Variants in TIAM1 observed in about 807,000 individuals in gnomAD.
TIAM1 encodes the protein rho guanine nucleotide exchange factor TIAM1.
In TIAM1, 65 loss-of-function variants were observed where a neutral mutation model predicts 163.5. The observed-to-expected ratio is 0.40, with a 90% CI of 0.33 to 0.49. The LOEUF is 0.49. Ranked by LOEUF, TIAM1 falls within the 20% of genes least tolerant of loss-of-function variation. The pLI, the probability that TIAM1 is intolerant of heterozygous loss-of-function variation, is 0.77. For synonymous variants in TIAM1, 833 were observed against 810.1 expected (o/e 1.03, Z -0.48); for missense variants, 1,789 against 2,044.7 (o/e 0.87, Z 2.41).
intron 27 of TIAM1, among the ~76,000 whole-genome samples, chr21:31,121,706 G>A (rs2082007327): frequency 2.6e-5 from 4 of 152,188 alleles, no homozygotes; most frequent in Admixed American, 1.3e-4. Flanking sequence ...TCAACAAAGT[G>A]CTGTATAAAG....
chr21:31,518,900 G>A (rs974645716), intron 1 of TIAM1, among the ~76,000 whole-genome samples: 3 of 152,194 alleles, frequency 2.0e-5, no homozygotes, highest in African/African-American at 7.2e-5. Flanking sequence ...AGAAAATGTA[G>A]TCTGGATTTC....
chr21:31,510,907 T>C (rs2047192550), intron 1 of TIAM1, among the ~76,000 whole-genome samples: 1 of 152,018 alleles, frequency 6.6e-6, no homozygotes, highest in African/African-American at 2.4e-5. Context: ...AGTAGGGTGG[T>C]CCCTGAGTTC....
At chr21:31,557,339 T>C (rs2048914902) in intron 1 of TIAM1, among the ~76,000 whole-genome samples, 1 of 152,176 alleles carries the variant, frequency 6.6e-6, no homozygotes, top group Non-Finnish European at 1.5e-5. Flanking sequence ...CCATCCTCTA[T>C]TACAGATTTC....
At chr21:31,146,314 G>A (rs1236309793) in intron 20 of TIAM1, among the ~76,000 whole-genome samples, 2 of 146,388 alleles carry the variant, frequency 1.4e-5, no homozygotes, top group African/African-American at 5.1e-5. Flanking sequence ...GGGGCCTGTA[G>A]TCCCAGCTAC....
Position 31,146,958 on chromosome 21 carries a change from G to A in TIAM1, c.3412C>T (p.Arg1138Cys). ...LGGSFLYYAD[R>C]FKLYSAFCAS... ...CAGAAGGCACTGTAGAGCTTGAAGC[G>A]GTCAGCATAATACAGGAATGATCCC... The change falls in exon 20 of 28, where the codon CGC (arginine) becomes TGC (cysteine). Residue 1138 changes from arginine (R) to cysteine (C), a missense_variant. Around this residue, in one of 5 missense-constraint regions of TIAM1, gnomAD observed 303 missense variants for 321.3 expected, o/e 0.94. Transcript: ENST00000541036. The A allele has an allele frequency of 2.5e-6, 4 of 1,614,060 alleles. No individual in the cohort carries two copies. Among genetic ancestry groups the A allele is most frequent in the Non-Finnish European group, 3.4e-6 (4 of 1,180,000 alleles).
At chr21:31,471,270 G>C (rs192916334) in intron 1 of TIAM1, among the ~76,000 whole-genome samples, 2 of 152,320 alleles carry the variant, frequency 1.3e-5, no homozygotes, top group East Asian at 3.9e-4. Context: ...CCGGAGCCCA[G>C]ATCCGCCCCT....
At chr21:31,295,203 G>A (rs1369360042) in intron 2 of TIAM1, among the ~76,000 whole-genome samples, 4 of 152,180 alleles carry the variant, frequency 2.6e-5, no homozygotes, top group Non-Finnish European at 4.4e-5. Context: ...AGGTGCGGTG[G>A]CTTACGCCTG....
intron 13 of TIAM1, among the ~76,000 whole-genome samples, chr21:31,194,021 G>T (rs953477562): frequency 6.6e-6 from 1 of 152,170 alleles, no homozygotes; most frequent in African/African-American, 2.4e-5. Flanking sequence ...ATGTAAATCA[G>T]ACACCGCCTC....
intron 2 of TIAM1, among the ~76,000 whole-genome samples, chr21:31,328,403 C>T (rs2075565287): frequency 6.6e-6 from 1 of 152,124 alleles, no homozygotes; most frequent in Admixed American, 6.5e-5. Context: ...CAAGGTGTCA[C>T]TCTGTCGCCC....
At chr21:31,542,753 G>C (rs540534548) in intron 1 of TIAM1, among the ~76,000 whole-genome samples, 270 of 152,256 alleles carry the variant, frequency 1.8e-3, no homozygotes, top group South Asian at 4.8e-3. Flanking sequence ...GATCACTTGA[G>C]GTCAGGGGTT....
At chr21:31,280,165 T>C (rs940381671) in intron 2 of TIAM1, among the ~76,000 whole-genome samples, 9 of 152,208 alleles carry the variant, frequency 5.9e-5, no homozygotes, top group African/African-American at 2.2e-4. Context: ...GAGGCATCCT[T>C]GATATGGTTT....
In TIAM1 at chr21:31,118,469, A is replaced by G. The variant is rs1028737845; in HGVS notation, c.*1899T>C. On this transcript the variant is annotated 3_prime_UTR_variant, in exon 28 of 28. Coordinates refer to ENST00000541036, the MANE Select transcript of TIAM1 (RefSeq NM_001353694.2). The stretch of plus-strand genomic sequence containing the variant: ...CAAGCATTTACAACGTTCCATTCAT[A>G]GACCTAAAAACATAAAAATAGACCT... The G allele has an allele frequency of 2.4e-6, 1 of 416,322 alleles. No homozygotes were observed. 25.8% of individuals were successfully genotyped at this position (416,322 alleles called of 1,614,324 possible).
chr21:31,290,564 T>C (rs2073980544), intron 2 of TIAM1, among the ~76,000 whole-genome samples: 1 of 147,836 alleles, frequency 6.8e-6, no homozygotes, highest in East Asian at 2.0e-4. Context: ...GGAGAATCGC[T>C]TGAACCCAGA....
chr21:31,520,112 C>T (rs1228977018), intron 1 of TIAM1, among the ~76,000 whole-genome samples: 4 of 152,180 alleles, frequency 2.6e-5, no homozygotes, highest in South Asian at 2.1e-4. Context: ...ACGCGGAGCA[C>T]CTGAGGTCGG....
intron 2 of TIAM1, among the ~76,000 whole-genome samples, chr21:31,289,073 G>A (rs2073918228): frequency 1.3e-5 from 2 of 152,186 alleles, no homozygotes; most frequent in African/African-American, 4.8e-5. Flanking sequence ...GCATAAATAA[G>A]CATGCCCAAG....
intron 1 of TIAM1, among the ~76,000 whole-genome samples, chr21:31,536,035 T>C (rs1157160897): frequency 3.9e-5 from 6 of 152,130 alleles, no homozygotes; most frequent in Admixed American, 6.5e-5. Flanking sequence ...GGTGCCTGTG[T>C]TGGGCCTTTA....
At chr21:31,529,218 C>T (rs1057176982) in intron 1 of TIAM1, among the ~76,000 whole-genome samples, 1 of 151,694 alleles carries the variant, frequency 6.6e-6, no homozygotes, top group Non-Finnish European at 1.5e-5. Flanking sequence ...CGCGCCCAGC[C>T]GAAATGTCTT....
At chr21:31,410,247 GAC>G (rs1311312030) in intron 2 of TIAM1, among the ~76,000 whole-genome samples, 3 of 152,130 alleles carry the variant, frequency 2.0e-5, no homozygotes, top group African/African-American at 7.2e-5. Context: ...GCATGTGTGT[GAC>G]AGTGTATATA....
At chr21:31,424,664 T>G (rs2043717725) in intron 2 of TIAM1, among the ~76,000 whole-genome samples, 1 of 152,118 alleles carries the variant, frequency 6.6e-6, no homozygotes, top group African/African-American at 2.4e-5. Flanking sequence ...GAGTGATTAT[T>G]TATTAAACAC....
Sources: gnomAD v4.1 joint callset for allele counts (sites outside exome capture counted in the v4.1 genomes callset) on GRCh38, gnomAD v4.1.1 for gene constraint, gnomAD v4.1.1 regional missense constraint, MANE v1.5 for transcripts, NCBI Gene and HGNC (gene_info 2026-07-23, HGNC 2026-07-21) for gene names.